KTI12: variants seen among roughly 807,000 people sequenced by gnomAD.
The protein encoded by KTI12 is KTI12 chromatin associated homolog.
In KTI12, 8 loss-of-function variants were observed where a neutral mutation model predicts 8.8. That is an observed-to-expected ratio of 0.91 (90% CI 0.53 to 1.64). KTI12 has a LOEUF of 1.64. KTI12 is among the 40% of genes most tolerant of loss of function. KTI12 has a pLI of 0.00. For synonymous variants in KTI12, 216 were observed against 220.1 expected (o/e 0.98, Z 0.17); for missense variants, 490 against 492.1 (o/e 1.00, Z 0.04).
rs764800535 is a variant in KTI12, at chr1:52,032,976, G to A, written c.786C>T (p.Ser262=). The A allele has an allele frequency of 7.0e-6, 11 of 1,578,922 alleles. No homozygotes were observed. The highest frequency in any genetic ancestry group is 3.6e-5 in the South Asian group (3 of 84,340). The change falls in exon 1 of 1, where the codon TCC becomes TCT. Residue 262 remains serine (S), a synonymous_variant. Transcript: ENST00000371614. The part of the protein sequence containing the change: ...RAPPPHQSTQ[S]QPLASGSFLH... ...GAAAGCTGCCGGAGGCGAGGGGCTG[G>A]GACTGCGTAGACTGATGGGGTGGTG...
At position 52,033,693 on chromosome 1, in the gene KTI12, C is replaced by A; in HGVS notation, c.69G>T (p.Val23=). 3 of 1,611,254 alleles carry A rather than the reference C, an allele frequency of 1.9e-6. No homozygotes were observed. The highest frequency in any genetic ancestry group is 2.5e-6 in the Non-Finnish European group (3 of 1,179,642). The change falls in exon 1 of 1, where the codon GTG becomes GTT. Residue 23 remains valine (V), a synonymous_variant. Transcript: ENST00000371614. ...CCGCGCGGCCCTCGGCAGCCAGCGC[C>A]ACGCGCAACTCTTCAGCACGCCGGC... The part of the protein sequence containing the change: ...GKSRRAEELR[V]ALAAEGRAVY...
rs774784601 is a variant in KTI12, at chr1:52,033,801, C to T, written c.-40G>A. 6.6e-7 allele frequency: 1 copy of T among 1,521,346 alleles called. No individual in the cohort carries two copies. The highest frequency in any genetic ancestry group is 8.8e-7 in the Non-Finnish European group (1 of 1,133,240). 94.2% of individuals were successfully genotyped at this position (1,521,346 alleles called of 1,614,324 possible). A position where few individuals can be genotyped will look rare whatever the true frequency, so the allele number is the denominator to read the frequency against. On this transcript the variant is annotated 5_prime_UTR_variant, in exon 1 of 1. Coordinates refer to ENST00000371614, the MANE Select transcript of KTI12 (RefSeq NM_138417.3). ...ACCATTGGCAACCGCGCTGCGCCAA[C>T]TTCCGGGTTGTACGCGTCTCCGACG...
Position 52,032,850 on chromosome 1 carries a change from T to A in KTI12, c.912A>T (p.Thr304=). The change falls in exon 1 of 1, where the codon ACA becomes ACT. Residue 304 remains threonine (T), a synonymous_variant. Coordinates refer to ENST00000371614, the MANE Select transcript of KTI12 (RefSeq NM_138417.3). Reference sequence around the variant, plus strand: ...AGGGCCGGGTAAACCGCAAGTGCTCTGTGGTACCAGGAAGCGTGAGCAAGT... The same window carrying A: ...AGGGCCGGGTAAACCGCAAGTGCTCAGTGGTACCAGGAAGCGTGAGCAAGT... ...PGDLLTLPGT[T]EHLRFTRPLT... 1 of 1,614,256 alleles carries A rather than the reference T, an allele frequency of 6.2e-7. No homozygotes were observed. Among genetic ancestry groups the A allele is most frequent in the Non-Finnish European group, 8.5e-7 (1 of 1,180,046 alleles).
In KTI12 at chr1:52,033,447, G is replaced by C; in HGVS notation, c.315C>G (p.Val105=). 3.1e-6 allele frequency: 5 copies of C among 1,613,078 alleles called. No homozygotes were observed. In the East Asian group the frequency reaches 1.1e-4, roughly 36 times the overall value. ...ARAARTPLCL[V]YCVRPGGPIA... ...TCGGGCCGCCGGGCCGTACGCAGTA[G>C]ACCAGGCAGAGCGGGGTGCGCGCCG... Residue 105 remains valine, a synonymous_variant, in exon 1 of 1, where the codon GTC becomes GTG. Coordinates refer to ENST00000371614, the MANE Select transcript of KTI12 (RefSeq NM_138417.3).
At position 52,032,512 on chromosome 1, in the gene KTI12, T is replaced by C. The variant is rs2124368361; in HGVS notation, c.*185A>G. On this transcript the variant is annotated 3_prime_UTR_variant, in exon 1 of 1. Transcript: ENST00000371614. ...CACAATAGTTCTCCATTCTCTTTAG[T>C]CTGAACTTATGCTGTAAACCCAAGG... The C allele has an allele frequency of 7.3e-7, 1 of 1,369,444 alleles. No homozygotes were observed. The highest frequency in any genetic ancestry group is 1.5e-5 in the African/African-American group (1 of 68,650). The allele number at this position is 1,369,444 out of a possible 1,614,324, so 84.8% of individuals were successfully genotyped here.
Position 52,033,467 on chromosome 1 carries a change from G to T in KTI12, c.295C>A (p.Arg99Ser). The T allele has an allele frequency of 6.2e-7, 1 of 1,613,248 alleles. No individual in the cohort carries two copies. Among genetic ancestry groups the T allele is most frequent in the Non-Finnish European group, 8.5e-7 (1 of 1,179,584 alleles). ...YELYCLARAA[R>S]TPLCLVYCVR... ...CAGTAGACCAGGCAGAGCGGGGTGC[G>T]CGCCGCCCGTGCCAGGCAGTAGAGC... The change falls in exon 1 of 1, where the codon CGC becomes AGC. Residue 99 changes from arginine (R) to serine (S), a missense_variant. Arg to Ser is a moderately radical substitution (Grantham distance 110). Transcript: ENST00000371614.
In KTI12 at chr1:52,033,468, C is replaced by T. The variant is rs2124371217; in HGVS notation, c.294G>A (p.Ala98=). The T allele has an allele frequency of 1.2e-6, 2 of 1,613,272 alleles. No individual in the cohort carries two copies. The highest frequency in any genetic ancestry group is 1.1e-5 in the South Asian group (1 of 91,066). The change falls in exon 1 of 1, where the codon GCG becomes GCA. Residue 98 remains alanine (A), a synonymous_variant. Coordinates refer to ENST00000371614, the MANE Select transcript of KTI12 (RefSeq NM_138417.3). ...RYELYCLARA[A]RTPLCLVYCV... ...AGTAGACCAGGCAGAGCGGGGTGCG[C>T]GCCGCCCGTGCCAGGCAGTAGAGCT...
rs747067893 is a variant in KTI12, at chr1:52,033,711, A to C, written c.51T>G (p.Arg17=). Residue 17 remains arginine (R), a synonymous_variant, in exon 1 of 1, where the codon CGT becomes CGG. Transcript: ENST00000371614. ...CGLPYSGKSR[R]AEELRVALAA... ...CCAGCGCCACGCGCAACTCTTCAGC[A>C]CGCCGGCTCTTGCCGCTGTACGGCA... 6.2e-7 allele frequency: 1 copy of C among 1,610,846 alleles called. No individual in the cohort carries two copies.
In KTI12 at chr1:52,032,662, A is replaced by G. The variant is rs1685785648; in HGVS notation, c.*35T>C. On this transcript the variant is annotated 3_prime_UTR_variant, in exon 1 of 1. Coordinates refer to ENST00000371614, the MANE Select transcript of KTI12 (RefSeq NM_138417.3). ...CCCAGAGAAATAAAGTGGAGTGGAG[A>G]TCAGAAGCCATGGCTTCCCCCCTAC... 3.2e-6 allele frequency: 5 copies of G among 1,553,230 alleles called. No homozygotes were observed. The East Asian group carries it at 9.0e-5, about 28-fold the overall frequency.
rs998292668 is a variant in KTI12, at chr1:52,032,625, C to T, written c.*72G>A. ...TGCATCGATATGCTCTGGAGACCTGCAGCCTATTTTTCCCAGAGAAATAAA... is the reference window on the plus strand; with the variant it reads ...TGCATCGATATGCTCTGGAGACCTGTAGCCTATTTTTCCCAGAGAAATAAA... On this transcript the variant is annotated 3_prime_UTR_variant, in exon 1 of 1. Transcript: ENST00000371614. 14 of 1,526,526 alleles carry T rather than the reference C, an allele frequency of 9.2e-6. No individual in the cohort carries two copies. The highest frequency in any genetic ancestry group is 1.2e-5 in the Non-Finnish European group (14 of 1,141,124). The allele number at this position is 1,526,526 out of a possible 1,614,324, so 94.6% of individuals were successfully genotyped here. A position where few individuals can be genotyped will look rare whatever the true frequency, so the allele number is the denominator to read the frequency against.
rs375799302 is a variant in KTI12, at chr1:52,033,423, C to T, written c.339G>A (p.Pro113=). 1 of 1,451,102 alleles carries T rather than the reference C, an allele frequency of 6.9e-7. No homozygotes were observed. Among genetic ancestry groups the T allele is most frequent in the Non-Finnish European group, 9.4e-7 (1 of 1,058,378 alleles). 89.9% of individuals were successfully genotyped at this position (1,451,102 alleles called of 1,614,324 possible). Residue 113 remains proline, a synonymous_variant, in exon 1 of 1, where the codon CCG becomes CCA. Coordinates refer to ENST00000371614, the MANE Select transcript of KTI12 (RefSeq NM_138417.3). ...CLVYCVRPGG[P]IAGPQVAGAN... is the part of the protein sequence containing the mutation. ...CGCCCGCCACCTGAGGTCCCGCGAT[C>T]GGGCCGCCGGGCCGTACGCAGTAGA...
chr1:52,033,464 T>C lies in KTI12; in HGVS notation c.298A>G (p.Thr100Ala), dbSNP rs1359898672. The change falls in exon 1 of 1, where the codon ACC becomes GCC. Residue 100 changes from threonine (T) to alanine (A), a missense_variant. Coordinates refer to ENST00000371614, the MANE Select transcript of KTI12 (RefSeq NM_138417.3). ...ACGCAGTAGACCAGGCAGAGCGGGG[T>C]GCGCGCCGCCCGTGCCAGGCAGTAG... ...ELYCLARAARTPLCLVYCVRP... is the reference protein window; with the variant it reads ...ELYCLARAARAPLCLVYCVRP... 2 of 1,612,894 alleles carry C rather than the reference T, an allele frequency of 1.2e-6. No individual in the cohort carries two copies. Among genetic ancestry groups the C allele is most frequent in the Admixed American group, 1.7e-5 (1 of 59,986 alleles).
Position 52,033,620 on chromosome 1 carries a change from C to T in KTI12, c.142G>A (p.Val48Met), listed in dbSNP as rs1485636286. 1.2e-6 allele frequency: 2 copies of T among 1,612,404 alleles called. No homozygotes were observed. The highest frequency in any genetic ancestry group is 1.7e-6 in the Non-Finnish European group (2 of 1,179,916). ...AAVLGAEDPA[V>M]YGDSAREKAL... is the part of the protein sequence containing the mutation. Reference sequence around the variant, plus strand: ...TTCTCACGGGCAGAATCGCCGTACACCGCTGGGTCCTCTGCGCCCAGGACA... The same window carrying T: ...TTCTCACGGGCAGAATCGCCGTACATCGCTGGGTCCTCTGCGCCCAGGACA... Residue 48 changes from valine (V) to methionine (M), a missense_variant, in exon 1 of 1, where the codon GTG (valine) becomes ATG (methionine). Transcript: ENST00000371614.
In KTI12 at chr1:52,033,521, G is replaced by A. The variant is rs1289040512; in HGVS notation, c.241C>T (p.Leu81Phe). 1.2e-6 allele frequency: 2 copies of A among 1,613,876 alleles called. No homozygotes were observed. The change falls in exon 1 of 1, where the codon CTT becomes TTT. Residue 81 changes from leucine (L) to phenylalanine (F), a missense_variant. By Grantham distance (22) the Leu-to-Phe change is conservative. Coordinates refer to ENST00000371614, the MANE Select transcript of KTI12 (RefSeq NM_138417.3). ...SRHDVVILDS[L>F]NYIKGFRYEL... ...TAACGGAAACCTTTGATGTAGTTAA[G>A]CGAGTCCAGGATGACCACGTCGTGG...
In KTI12 at chr1:52,032,556, A is replaced by C. The variant is rs1167832872; in HGVS notation, c.*141T>G. On this transcript the variant is annotated 3_prime_UTR_variant, in exon 1 of 1. Transcript: ENST00000371614. ...CCCAAGGCCTGGCACAGGGGTATGCAGGAAAGTTTGAGTGAATCAGTCACA... is the reference window on the plus strand; with the variant it reads ...CCCAAGGCCTGGCACAGGGGTATGCCGGAAAGTTTGAGTGAATCAGTCACA... 42 of 1,407,402 alleles carry C rather than the reference A, an allele frequency of 3.0e-5. No individual in the cohort carries two copies. Among genetic ancestry groups the C allele is most frequent in the Non-Finnish European group, 3.9e-5 (42 of 1,085,000 alleles). 87.2% of individuals were successfully genotyped at this position (1,407,402 alleles called of 1,614,324 possible).
rs754197305 is a variant in KTI12 at position 52,032,148 on chromosome 1, A to G, written c.*549T>C. The G allele has an allele frequency of 1.3e-5, 13 of 970,570 alleles. No individual in the cohort carries two copies. Among genetic ancestry groups the G allele is most frequent in the Non-Finnish European group, 1.6e-5 (13 of 816,436 alleles). 60.1% of individuals were successfully genotyped at this position (970,570 alleles called of 1,614,324 possible). ...TATTAGAGGAAATAATCTAGTAGAT[A>G]ACTTTCTTACTTCCACAAAAACAAA... On this transcript the variant is annotated 3_prime_UTR_variant, in exon 1 of 1. Transcript: ENST00000371614.
Position 52,033,369 on chromosome 1 carries a change from A to T in KTI12, c.393T>A (p.Ser131Arg). 6.2e-7 allele frequency: 1 copy of T among 1,613,520 alleles called. No individual in the cohort carries two copies. Among genetic ancestry groups the T allele is most frequent in the Non-Finnish European group, 8.5e-7 (1 of 1,179,946 alleles). Residue 131 changes from serine (S) to arginine (R), a missense_variant, in exon 1 of 1, where the codon AGT becomes AGA. Coordinates refer to ENST00000371614, the MANE Select transcript of KTI12 (RefSeq NM_138417.3). ...GANENPGRNV[S>R]VSWRPRAEED... ...CCTCAGCGCGTGGCCGCCAACTCAC[A>T]CTGACGTTCCGGCCAGGGTTCTCGT...
rs370356154 is a variant in KTI12 at position 52,032,797 on chromosome 1, C to A, written c.965G>T (p.Arg322Leu). The change falls in exon 1 of 1, where the codon CGT (arginine) becomes CTT (leucine). Residue 322 changes from arginine (R) to leucine (L), a missense_variant. Coordinates refer to ENST00000371614, the MANE Select transcript of KTI12 (RefSeq NM_138417.3). ...PLTMAELSRLRRQFISYTKMH... is the reference protein window; with the variant it reads ...PLTMAELSRLLRQFISYTKMH... ...TTTAGTGTACGAAATAAACTGGCGA[C>A]GAAGGCGACTCAGTTCTGCCATGGT... 1.9e-6 allele frequency: 3 copies of A among 1,614,086 alleles called. No individual in the cohort carries two copies. The highest frequency in any genetic ancestry group is 2.7e-5 in the African/African-American group (2 of 74,928).
In KTI12 at chr1:52,032,378, A is replaced by G; in HGVS notation, c.*319T>C. On this transcript the variant is annotated 3_prime_UTR_variant, in exon 1 of 1. Coordinates refer to ENST00000371614, the MANE Select transcript of KTI12 (RefSeq NM_138417.3). Reference sequence around the variant, plus strand: ...TATCCAGTCTGCTCTCCCACGCCTCAGATGAGGGAAGCCAATGGTCAATGC... The same window carrying G: ...TATCCAGTCTGCTCTCCCACGCCTCGGATGAGGGAAGCCAATGGTCAATGC... 3 of 1,113,230 alleles carry G rather than the reference A, an allele frequency of 2.7e-6. No individual in the cohort carries two copies. Among genetic ancestry groups the G allele is most frequent in the Non-Finnish European group, 2.2e-6 (2 of 911,082 alleles). The allele number at this position is 1,113,230 out of a possible 1,614,324, so 69.0% of individuals were successfully genotyped here.
Sources: gnomAD v4.1 joint callset for allele counts on GRCh38, gnomAD v4.1.1 for gene constraint, MANE v1.5 for transcripts, NCBI Gene and HGNC (gene_info 2026-07-23, HGNC 2026-07-21) for gene names.